The following FHIT variants were observed in gnomAD, a reference collection of about 807,000 sequenced individuals.
FHIT encodes bis(5'-adenosyl)-triphosphatase.
In FHIT, 19 loss-of-function variants were observed where a neutral mutation model predicts 17.9. The observed-to-expected ratio is 1.06, with a 90% confidence interval of 0.74 to 1.56. The LOEUF (loss-of-function observed/expected upper bound fraction) is 1.56, where lower values mean the gene tolerates loss of function less well. Ranked by LOEUF, FHIT falls within the 40% of genes most tolerant of loss-of-function variation. FHIT has a pLI of 0.00. For synonymous variants in FHIT, 81 were observed against 69.7 expected (o/e 1.16, Z -0.81); for missense variants, 248 against 189.2 (o/e 1.31, Z -1.82).
At chr3:59,790,502 CTCTTTCTCTCTCTCTCTCTCTCTCTCTG>C (rs1378909264) in intron 8 of FHIT, among the ~76,000 whole-genome samples, 2 of 142,304 alleles carry the variant, frequency 1.4e-5, no homozygotes, top group Non-Finnish European at 3.0e-5. Context: ...CTCTCTCTCT[CTCTTTCTCTCTCTCTCTCTCTCTCTCTG>C]TGTGTGTGTG....
At chr3:59,909,874 T>A (rs527778621) in intron 8 of FHIT, among the ~76,000 whole-genome samples, 5 of 152,352 alleles carry the variant, frequency 3.3e-5, no homozygotes, top group African/African-American at 1.2e-4. Flanking sequence ...TATATTATGT[T>A]TGGGAAATGC....
intron 5 of FHIT, among the ~76,000 whole-genome samples, chr3:60,392,635 CAA>C (rs974424685): frequency 7.2e-5 from 11 of 152,170 alleles, no homozygotes; most frequent in African/African-American, 2.4e-4. Flanking sequence ...CAGCTGCAGA[CAA>C]GAGCTTTCTA....
At chr3:61,227,318 A>G (rs1443850316) in intron 1 of FHIT, among the ~76,000 whole-genome samples, 1 of 152,222 alleles carries the variant, frequency 6.6e-6, no homozygotes, top group Non-Finnish European at 1.5e-5. Context: ...ATTTTTAAAC[A>G]TTAGTATACC....
At chr3:61,215,691 A>G (rs1171445551) in intron 1 of FHIT, among the ~76,000 whole-genome samples, 2 of 152,238 alleles carry the variant, frequency 1.3e-5, no homozygotes, top group African/African-American at 4.8e-5. Flanking sequence ...CACCAAGTCA[A>G]TCCTAAGCCA....
chr3:60,079,620 T>A (rs939000166), intron 5 of FHIT, among the ~76,000 whole-genome samples: 1 of 152,036 alleles, frequency 6.6e-6, no homozygotes, highest in Non-Finnish European at 1.5e-5. Context: ...TTCTCTTATT[T>A]TTTTGTTTGG....
In FHIT at chr3:59,749,284, G is replaced by GCAAGT; in HGVS notation, c.*296_*300dup. On this transcript the variant is annotated 3_prime_UTR_variant, in exon 10 of 10. Transcript: ENST00000492590. ...TAATAGGTTTGTTGCCTAATTCATG[G>GCAAGT]CAAGTCAATACACCGAGACACAGGG... 1 of 230,836 alleles carries GCAAGT rather than the reference G, an allele frequency of 4.3e-6. No homozygotes were observed. The allele number at this position is 230,836 out of a possible 1,614,324, so 14.3% of individuals were successfully genotyped here.
intron 5 of FHIT, among the ~76,000 whole-genome samples, chr3:60,095,555 C>T (rs963277786): frequency 2.0e-5 from 3 of 152,192 alleles, no homozygotes; most frequent in Non-Finnish European, 4.4e-5. Flanking sequence ...TGCAATATCA[C>T]ATGTGAGTCT....
chr3:60,095,680 A>C (rs1012697729), intron 5 of FHIT, among the ~76,000 whole-genome samples: 1 of 152,214 alleles, frequency 6.6e-6, no homozygotes, highest in Non-Finnish European at 1.5e-5. Context: ...TTTTCTAGAT[A>C]ATCGGCCTCA....
chr3:60,367,482 C>T (rs536911806), intron 5 of FHIT, among the ~76,000 whole-genome samples: 8 of 152,146 alleles, frequency 5.3e-5, no homozygotes, highest in Non-Finnish European at 1.0e-4. Context: ...AAAACTCTTA[C>T]TCAAAAACGA....
intron 8 of FHIT, among the ~76,000 whole-genome samples, chr3:59,824,780 T>C (rs963258980): frequency 2.0e-5 from 3 of 152,192 alleles, no homozygotes; most frequent in African/African-American, 4.8e-5. Flanking sequence ...GTAGTTTAAA[T>C]GTCCAATACT....
At chr3:60,733,575 G>A (rs529414432) in intron 4 of FHIT, among the ~76,000 whole-genome samples, 4 of 152,038 alleles carry the variant, frequency 2.6e-5, no homozygotes, top group Admixed American at 1.3e-4. Flanking sequence ...TCCACCAACC[G>A]ATGCCCATCA....
At chr3:61,119,076 C>T (rs1038897881) in intron 2 of FHIT, among the ~76,000 whole-genome samples, 1 of 152,108 alleles carries the variant, frequency 6.6e-6, no homozygotes, top group Non-Finnish European at 1.5e-5. Flanking sequence ...CCCAAGCATA[C>T]ACCTGTTTTT....
At chr3:60,796,797 G>A (rs1278373606) in intron 4 of FHIT, among the ~76,000 whole-genome samples, 5 of 152,174 alleles carry the variant, frequency 3.3e-5, no homozygotes, top group East Asian at 1.9e-4. Context: ...GGCCAGGCTG[G>A]TCTCGAACTC....
intron 4 of FHIT, among the ~76,000 whole-genome samples, chr3:60,631,170 C>A (rs1222485447): frequency 6.6e-6 from 1 of 152,022 alleles, no homozygotes; most frequent in African/African-American, 2.4e-5. Context: ...AGGCGCCCCT[C>A]CTCCTCTGTA....
chr3:60,971,865 C>T (rs1278370147), intron 3 of FHIT, among the ~76,000 whole-genome samples: 2 of 152,080 alleles, frequency 1.3e-5, no homozygotes, highest in South Asian at 2.1e-4. Flanking sequence ...GAGAAAATTC[C>T]CCCATCTATG....
chr3:61,012,055 T>C (rs1286626018), intron 3 of FHIT, among the ~76,000 whole-genome samples: 1 of 152,222 alleles, frequency 6.6e-6, no homozygotes, highest in African/African-American at 2.4e-5. Context: ...GAGTTAAATC[T>C]GCAGTTCCAA....
At chr3:60,738,035 G>C (rs1186085640) in intron 4 of FHIT, among the ~76,000 whole-genome samples, 2 of 152,166 alleles carry the variant, frequency 1.3e-5, no homozygotes, top group Non-Finnish European at 2.9e-5. Flanking sequence ...GAGAATTGTA[G>C]AGTACCTGTT....
chr3:61,228,180 A>T (rs192937741), intron 1 of FHIT, among the ~76,000 whole-genome samples: 39 of 118,934 alleles, frequency 3.3e-4, no homozygotes, highest in Admixed American at 1.7e-3. Flanking sequence ...AAAATAATTT[A>T]AAAAAAAAAA....
At chr3:60,778,413 G>A (rs1263093530) in intron 4 of FHIT, among the ~76,000 whole-genome samples, 1 of 152,152 alleles carries the variant, frequency 6.6e-6, no homozygotes, top group African/African-American at 2.4e-5. Context: ...TGAAATACAG[G>A]AAAATGTACA....
Sources: allele counts gnomAD v4.1 joint callset (sites outside exome capture counted in the v4.1 genomes callset), GRCh38; gene constraint gnomAD v4.1.1; transcripts MANE v1.5; gene names NCBI Gene and HGNC (gene_info 2026-07-23, HGNC 2026-07-21).